RERE: variants seen among roughly 807,000 people sequenced by gnomAD.
RERE encodes the protein arginine-glutamic acid dipeptide repeats protein.
Under a neutral mutation model 146.1 loss-of-function variants are expected in RERE, and 40 were observed. The observed-to-expected ratio is 0.27, with a 90% CI of 0.21 to 0.36. The LOEUF is 0.36. Among genes scored for constraint, RERE ranks in the 10% least tolerant of loss-of-function variants. The pLI is 1.00. For missense variants in RERE, 1,933 were observed against 2,138.7 expected, an observed-to-expected ratio of 0.90 and a Z score of 1.90; for synonymous variants, 1,003 against 866.0, an observed-to-expected ratio of 1.16 and a Z score of -2.78.
chr1:8,459,364 G>A (rs918721148), intron 11 of RERE, among the ~76,000 whole-genome samples: 1 of 151,906 alleles, frequency 6.6e-6, no homozygotes, highest in African/African-American at 2.4e-5. Flanking sequence ...TACAAATTTA[G>A]TTCTTCATAA....
At chr1:8,388,920 G>A (rs909195384) in intron 12 of RERE, among the ~76,000 whole-genome samples, 27 of 152,066 alleles carry the variant, frequency 1.8e-4, no homozygotes, top group African/African-American at 6.5e-4. Context: ...CACTCTAAAG[G>A]TGCTGTCCGA....
chr1:8,633,456 CACACACACACACACACACACAA>C (rs1647059510), intron 2 of RERE, among the ~76,000 whole-genome samples: 1 of 145,346 alleles, frequency 6.9e-6, no homozygotes, highest in Non-Finnish European at 1.5e-5. Context: ...CACACACAGA[CACACACACACACACACACACAA>C]AAATGTACTT....
intron 7 of RERE, among the ~76,000 whole-genome samples, chr1:8,535,782 G>A (rs560642629): frequency 2.6e-4 from 39 of 152,194 alleles, no homozygotes; most frequent in African/African-American, 9.4e-4. Context: ...GGGAGAAAAG[G>A]ATGAGAAGAG....
At chr1:8,385,174 T>C (rs1418188210) in intron 12 of RERE, among the ~76,000 whole-genome samples, 1 of 152,250 alleles carries the variant, frequency 6.6e-6, no homozygotes, top group Admixed American at 6.5e-5. Context: ...TAATTGTATC[T>C]TAGAATTTAA....
At chr1:8,721,624 A>T (rs1257989357) in intron 1 of RERE, among the ~76,000 whole-genome samples, 1 of 152,168 alleles carries the variant, frequency 6.6e-6, no homozygotes, top group Non-Finnish European at 1.5e-5. Context: ...AGAGATTCTT[A>T]AAACCTCTTC....
chr1:8,777,533 CTTTTTT>C (rs752250797), intron 1 of RERE, among the ~76,000 whole-genome samples: 1 of 137,696 alleles, frequency 7.3e-6, no homozygotes, highest in Non-Finnish European at 1.6e-5. Flanking sequence ...AAGTGTCATA[CTTTTTT>C]TTTTTTTTTT....
chr1:8,774,422 C>T (rs1305166541), intron 1 of RERE, among the ~76,000 whole-genome samples: 2 of 140,026 alleles, frequency 1.4e-5, no homozygotes, highest in Non-Finnish European at 3.0e-5. Context: ...GGCGCGATCT[C>T]GGCTCACCCC....
At chr1:8,578,654 G>T (rs1223845425) in intron 4 of RERE, among the ~76,000 whole-genome samples, 1 of 152,068 alleles carries the variant, frequency 6.6e-6, no homozygotes, top group Non-Finnish European at 1.5e-5. Context: ...AGCAGTGGAA[G>T]GCATCACATG....
intron 11 of RERE, among the ~76,000 whole-genome samples, chr1:8,464,185 G>A (rs79988332): frequency 6.6e-6 from 1 of 152,096 alleles, no homozygotes; most frequent in Non-Finnish European, 1.5e-5. Flanking sequence ...CATGAACTCT[G>A]TAAGTCTGAT....
intron 1 of RERE, among the ~76,000 whole-genome samples, chr1:8,695,303 T>C (rs1002289881): frequency 7.2e-6 from 1 of 138,036 alleles, no homozygotes; most frequent in Non-Finnish European, 1.7e-5. Context: ...CCACAAACTG[T>C]AAAAATCCCA....
intron 1 of RERE, among the ~76,000 whole-genome samples, chr1:8,805,008 G>GTTTTTTTTTTTTTTTTTTTTTTTT (rs1186832596): frequency 1.3e-5 from 1 of 77,836 alleles, no homozygotes; most frequent in African/African-American, 5.1e-5. Flanking sequence ...TTTGTTTTTG[G>GTTTTTTTTTTTTTTTTTTTTTTTT]TTTTTTTTTT....
chr1:8,797,290 A>T (rs1641494573), intron 1 of RERE, among the ~76,000 whole-genome samples: 1 of 152,138 alleles, frequency 6.6e-6, no homozygotes, highest in South Asian at 2.1e-4. Context: ...TGACAGAAGA[A>T]TTACTTGAAC....
rs184603760 is a variant in RERE at position 8,697,027 on chromosome 1, C to T, written c.-144-40586G>A. ...TCCAAACTCAAATTGCTCCTGCACC[C>T]AACACACTTAAGAGTAAATACTGTT... On this transcript the variant is annotated intron_variant, in intron 1 of 22. Coordinates refer to ENST00000400908, the MANE Select transcript of RERE (RefSeq NM_001042681.2). Among the ~76,000 whole-genome samples, 396 of 152,122 alleles carry T rather than the reference C, an allele frequency of 2.6e-3. 2 individuals are homozygous for T. The highest frequency in any genetic ancestry group is 9.1e-3 in the African/African-American group (376 of 41,514).
intron 12 of RERE, among the ~76,000 whole-genome samples, chr1:8,415,218 A>G (rs1312025147): frequency 1.3e-5 from 2 of 152,256 alleles, no homozygotes; most frequent in Non-Finnish European, 2.9e-5. Flanking sequence ...TGTTAACCAC[A>G]GCAACCACAA....
At chr1:8,640,264 C>G (rs1166599273) in intron 2 of RERE, among the ~76,000 whole-genome samples, 1 of 152,084 alleles carries the variant, frequency 6.6e-6, no homozygotes, top group Non-Finnish European at 1.5e-5. Flanking sequence ...AATCAAAGCT[C>G]CCCTCCCAAC....
chr1:8,687,038 AGAAGTTTTTCTGCAAAG>A (rs1405011499), intron 1 of RERE, among the ~76,000 whole-genome samples: 1 of 152,230 alleles, frequency 6.6e-6, no homozygotes, highest in Non-Finnish European at 1.5e-5. Context: ...ACTCTTGTTG[AGAAGTTTTTCTGCAAAG>A]GAAGCAGAGA....
chr1:8,772,101 A>T (rs1640965065), intron 1 of RERE, among the ~76,000 whole-genome samples: 1 of 152,122 alleles, frequency 6.6e-6, no homozygotes, highest in Non-Finnish European at 1.5e-5. Context: ...TGTAATACAT[A>T]TAACTAGAAA....
chr1:8,500,064 T>G (rs1249553616), intron 8 of RERE, among the ~76,000 whole-genome samples: 3 of 152,226 alleles, frequency 2.0e-5, no homozygotes, highest in Non-Finnish European at 4.4e-5. Context: ...GAGGTTCCCG[T>G]GAGCTGAGAT....
chr1:8,557,616 G>A (rs934832219), intron 4 of RERE, 93 bp from the exon 5 acceptor site: 17 of 772,354 alleles, frequency 2.2e-5, no homozygotes, highest in Middle Eastern at 2.2e-4. Flanking sequence ...GTAAACGGGT[G>A]GACACGTAGA....
Sources: allele counts gnomAD v4.1 joint callset (sites outside exome capture counted in the v4.1 genomes callset), GRCh38; gene constraint gnomAD v4.1.1; transcripts MANE v1.5; gene names NCBI Gene and HGNC (gene_info 2026-07-23, HGNC 2026-07-21).